Variants in KIAA1217 observed in about 807,000 individuals in gnomAD.
The protein encoded by KIAA1217 is KIAA1217, also known as sickle tail protein homolog.
KIAA1217 carries 88 observed loss-of-function variants against 163.9 expected under a neutral mutation model. That is an observed-to-expected ratio of 0.54 (90% confidence interval 0.45 to 0.64). The LOEUF is 0.64. KIAA1217 is among the 30% of genes least tolerant of loss of function. The probability of loss-of-function intolerance (pLI) is 0.00; values close to 1 mark genes in which losing one functional copy is unlikely to be tolerated. For synonymous variants in KIAA1217, 903 were observed against 923.1 expected, an observed-to-expected ratio of 0.98 and a Z score of 0.39; for missense variants, 2,372 against 2,475.0, an observed-to-expected ratio of 0.96 and a Z score of 0.88.
chr10:24,094,185 C>G (rs2062055567), intron 2 of KIAA1217, among the ~76,000 whole-genome samples: 2 of 152,052 alleles, frequency 1.3e-5, no homozygotes, highest in South Asian at 2.1e-4. Flanking sequence ...ATGGCTGGGT[C>G]AAATGGTATT....
intron 1 of KIAA1217, among the ~76,000 whole-genome samples, chr10:24,218,040 A>C (rs555373365): frequency 2.7e-4 from 41 of 152,312 alleles, no homozygotes; most frequent in African/African-American, 9.9e-4. Context: ...TGGACAAGGA[A>C]ACATTATTCT....
chr10:24,123,163 A>G (rs941819613), intron 2 of KIAA1217, among the ~76,000 whole-genome samples: 7 of 110,366 alleles, frequency 6.3e-5, no homozygotes, highest in African/African-American at 1.7e-4. Context: ...TGTGTGTGTG[A>G]TAACAGGCAT....
intron 2 of KIAA1217, among the ~76,000 whole-genome samples, chr10:24,092,353 A>G (rs2061966635): frequency 6.6e-6 from 1 of 151,836 alleles, no homozygotes; most frequent in South Asian, 2.1e-4. Flanking sequence ...ATCATTATCA[A>G]GATACTAAGG....
chr10:24,522,449 A>G (rs1260777952), intron 12 of KIAA1217, among the ~76,000 whole-genome samples: 1 of 152,238 alleles, frequency 6.6e-6, no homozygotes, highest in East Asian at 1.9e-4. Flanking sequence ...AAGAAATGTA[A>G]TAGAAGTAAA....
intron 9 of KIAA1217, among the ~76,000 whole-genome samples, chr10:24,510,641 C>T (rs945116602): frequency 1.3e-5 from 2 of 152,142 alleles, no homozygotes; most frequent in African/African-American, 4.8e-5. Flanking sequence ...ATCACTCATT[C>T]CCGCCCCCTT....
At chr10:24,231,408 A>T (rs1055530280) in intron 2 of KIAA1217, among the ~76,000 whole-genome samples, 1 of 152,256 alleles carries the variant, frequency 6.6e-6, no homozygotes, top group Non-Finnish European at 1.5e-5. Context: ...TTTCAGAGCA[A>T]GCACTGCACG....
intron 2 of KIAA1217, among the ~76,000 whole-genome samples, chr10:24,360,904 T>A (rs555209270): frequency 2.0e-4 from 30 of 152,278 alleles, no homozygotes; most frequent in African/African-American, 3.8e-4. Flanking sequence ...AGTGGTTTTT[T>A]TTTTTTGGAG....
Position 23,898,955 on chromosome 10 carries a change from A to G in KIAA1217, c.-320-108270A>G, listed in dbSNP as rs1841835403. 2.0e-5 allele frequency among the ~76,000 whole-genome samples: 3 copies of G among 152,118 alleles called. No homozygotes were observed. In the South Asian group the frequency reaches 6.2e-4, roughly 32 times the overall value. Reference sequence around the variant, plus strand: ...TGTTGAATTATGAAGTCAGCATTATACCCATGGGCTAAACTGTGTTGATGT... The same window carrying G: ...TGTTGAATTATGAAGTCAGCATTATGCCCATGGGCTAAACTGTGTTGATGT... On this transcript the variant is annotated intron_variant, in intron 1 of 18. Transcript: ENST00000376462.
Position 23,759,714 on chromosome 10 carries a change from A to G in KIAA1217, c.-321+64480A>G, listed in dbSNP as rs560447060. ...ATAATGGTGTAGTGAGATAAGAACG[A>G]TGTCTGACAGACTTTGGGCTGATTC... On this transcript the variant is annotated intron_variant, in intron 1 of 18. Transcript: ENST00000376462. 7.9e-5 allele frequency among the ~76,000 whole-genome samples: 12 copies of G among 152,342 alleles called. No homozygotes were observed. In the South Asian group the frequency reaches 1.4e-3, roughly 18 times the overall value.
chr10:24,255,269 A>G, intron 2 of KIAA1217: 1 of 288,828 alleles, frequency 3.5e-6, no homozygotes, highest in Admixed American at 4.9e-5. Context: ...ATTTACCTAA[A>G]CCCCACCCAG....
At chr10:24,383,504 C>A (rs763619373) in intron 3 of KIAA1217, among the ~76,000 whole-genome samples, 1 of 152,188 alleles carries the variant, frequency 6.6e-6, no homozygotes, top group Non-Finnish European at 1.5e-5. Flanking sequence ...TGTTTTCGCA[C>A]GGGGTGGCCA....
At chr10:23,831,400 T>G (rs1838191548) in intron 1 of KIAA1217, among the ~76,000 whole-genome samples, 1 of 150,916 alleles carries the variant, frequency 6.6e-6, no homozygotes, top group South Asian at 2.1e-4. Context: ...CAAAAAGGAG[T>G]TAGTATCCAA....
chr10:24,080,437 G>A (rs1297253957), intron 2 of KIAA1217, among the ~76,000 whole-genome samples: 1 of 152,278 alleles, frequency 6.6e-6, no homozygotes, highest in Admixed American at 6.5e-5. Context: ...AGCCATTAAT[G>A]GATCCTTCCG....
At chr10:23,803,643 G>A (rs1836586625) in intron 1 of KIAA1217, among the ~76,000 whole-genome samples, 1 of 152,072 alleles carries the variant, frequency 6.6e-6, no homozygotes, top group Admixed American at 6.6e-5. Flanking sequence ...CTGTTTCTTG[G>A]GGGGACCTGA....
At chr10:24,249,069 T>C (rs569492489) in intron 2 of KIAA1217, among the ~76,000 whole-genome samples, 2 of 152,346 alleles carry the variant, frequency 1.3e-5, no homozygotes, top group East Asian at 3.9e-4. Flanking sequence ...ACGTGATTTA[T>C]ACATTCTCTT....
At chr10:24,026,742 A>ATTTTTTTTTTTTTTTTTTTTTG (rs1847968919) in intron 2 of KIAA1217, among the ~76,000 whole-genome samples, 1 of 70,092 alleles carries the variant, frequency 1.4e-5, no homozygotes, top group East Asian at 4.5e-4. Context: ...TATTTCATTG[A>ATTTTTTTTTTTTTTTTTTTTTG]TTTTTTTTTT....
intron 5 of KIAA1217, among the ~76,000 whole-genome samples, chr10:24,452,701 A>G (rs1355284804): frequency 1.4e-5 from 2 of 143,858 alleles, no homozygotes; most frequent in East Asian, 2.8e-4. Flanking sequence ...AAAAAAAAAT[A>G]GAATGAATGA....
At chr10:24,367,260 T>C in intron 2 of KIAA1217, 1 of 617,710 alleles carries the variant, frequency 1.6e-6, no homozygotes, top group Non-Finnish European at 2.0e-6. Context: ...CACCTTTCCC[T>C]CACCTGCAAG....
chr10:23,704,172 G>GTGTGTGTGTATGTATATA, intron 1 of KIAA1217, among the ~76,000 whole-genome samples: 1 of 39,948 alleles, frequency 2.5e-5, no homozygotes, highest in East Asian at 7.5e-4. Context: ...GTGTGTGTGT[G>GTGTGTGTGTATGTATATA]TATATATATA....
Sources: allele counts gnomAD v4.1 joint callset (sites outside exome capture counted in the v4.1 genomes callset), GRCh38; gene constraint gnomAD v4.1.1; transcripts MANE v1.5; gene names NCBI Gene and HGNC (gene_info 2026-07-23, HGNC 2026-07-21).